Variants in RNFT2 observed in about 807,000 individuals in gnomAD.
RNFT2 encodes the protein E3 ubiquitin-protein ligase RNFT2.
Under a neutral mutation model 53.0 loss-of-function variants are expected in RNFT2, and 36 were observed. The observed-to-expected ratio is 0.68, with a 90% CI of 0.52 to 0.90. The LOEUF (loss-of-function observed/expected upper bound fraction) is 0.90. RNFT2 is among the 40% of genes least tolerant of loss of function. The probability of loss-of-function intolerance (pLI) is 0.00; values close to 1 mark genes in which losing one functional copy is unlikely to be tolerated. For missense variants in RNFT2, 514 were observed against 585.6 expected, an observed-to-expected ratio of 0.88 and a Z score of 1.26; for synonymous variants, 260 against 253.2, an observed-to-expected ratio of 1.03 and a Z score of -0.26.
At chr12:116,742,873 A>T (rs1871677649) in intron 3 of RNFT2, among the ~76,000 whole-genome samples, 1 of 152,022 alleles carries the variant, frequency 6.6e-6, no homozygotes, top group Non-Finnish European at 1.5e-5. Flanking sequence ...GCTTGAGCCC[A>T]GAAGTTTGAG....
chr12:116,767,150 G>A (rs576939228), intron 6 of RNFT2, among the ~76,000 whole-genome samples: 35 of 152,292 alleles, frequency 2.3e-4, no homozygotes, highest in African/African-American at 8.4e-4. Context: ...ACAGAAACAG[G>A]TGGAATCAAT....
chr12:116,826,502 A>T (rs1452837550), intron 7 of RNFT2, among the ~76,000 whole-genome samples: 1 of 152,194 alleles, frequency 6.6e-6, no homozygotes, highest in Non-Finnish European at 1.5e-5. Flanking sequence ...GAAACCTGGA[A>T]TTATAAAACT....
intron 8 of RNFT2, among the ~76,000 whole-genome samples, chr12:116,834,313 T>C (rs929760925): frequency 1.3e-5 from 2 of 152,080 alleles, no homozygotes; most frequent in Non-Finnish European, 2.9e-5. Flanking sequence ...GAGACAGGGT[T>C]TCACCATGTT....
chr12:116,819,331 C>CG (rs1875861562), intron 7 of RNFT2, among the ~76,000 whole-genome samples: 1 of 152,186 alleles, frequency 6.6e-6, no homozygotes, highest in African/African-American at 2.4e-5. Flanking sequence ...GCCTCAGGCT[C>CG]GGGGGCCTGG....
chr12:116,761,527 C>T (rs1405561562), intron 5 of RNFT2, among the ~76,000 whole-genome samples: 1 of 152,226 alleles, frequency 6.6e-6, no homozygotes, highest in East Asian at 1.9e-4. Flanking sequence ...GCTTCACCAC[C>T]ATCCTCCTGC....
At chr12:116,806,617 CG>C (rs1875093553) in intron 7 of RNFT2, among the ~76,000 whole-genome samples, 1 of 151,482 alleles carries the variant, frequency 6.6e-6, no homozygotes, top group Non-Finnish European at 1.5e-5. Flanking sequence ...CTGAGCACGG[CG>C]GTGCACACCT....
At chr12:116,814,442 C>G (rs888120166) in intron 7 of RNFT2, among the ~76,000 whole-genome samples, 2 of 152,110 alleles carry the variant, frequency 1.3e-5, no homozygotes, top group East Asian at 3.9e-4. Context: ...AGGTAACATT[C>G]ATGCAAAGCC....
intron 7 of RNFT2, among the ~76,000 whole-genome samples, chr12:116,791,660 A>G (rs1186327724): frequency 6.6e-6 from 1 of 152,156 alleles, no homozygotes; most frequent in African/African-American, 2.4e-5. Flanking sequence ...ATAGACTACA[A>G]TTTGTTTAGC....
At chr12:116,748,591 G>A (rs1872023228) in intron 3 of RNFT2, 1 of 423,594 alleles carries the variant, frequency 2.4e-6, no homozygotes, top group African/African-American at 2.1e-5. Flanking sequence ...AACAGGTGGA[G>A]CTGGAGTTTG....
intron 6 of RNFT2, among the ~76,000 whole-genome samples, chr12:116,775,601 T>G (rs1873399233): frequency 6.6e-6 from 1 of 152,234 alleles, no homozygotes; most frequent in African/African-American, 2.4e-5. Context: ...GTTTCCTGAT[T>G]TGCAAAATTG....
At chr12:116,841,806 A>T (rs866613458) in intron 10 of RNFT2, among the ~76,000 whole-genome samples, 1 of 88,126 alleles carries the variant, frequency 1.1e-5, no homozygotes, top group Non-Finnish European at 2.0e-5. Flanking sequence ...TATATATATA[A>T]ATATATATAT....
intron 6 of RNFT2, among the ~76,000 whole-genome samples, chr12:116,775,272 AAAAAAAAGAG>A (rs1873380103): frequency 1.3e-5 from 2 of 148,244 alleles, no homozygotes; most frequent in Admixed American, 6.7e-5. Flanking sequence ...AAAAAAAAAA[AAAAAAAAGAG>A]AGAGAGAAGA....
In RNFT2 at chr12:116,846,286, T is replaced by C. The variant is rs1877609135; in HGVS notation, c.1201-3028T>C. Among the ~76,000 whole-genome samples the C allele has an allele frequency of 2.0e-5, 3 of 152,160 alleles. No homozygotes were observed. The South Asian group carries it at 6.2e-4, about 32-fold the overall frequency. ...GCCTTCTTTTTTATATTATTGTTAT[T>C]TTTTTAGACAAGGTCTCACTCTGTC... On this transcript the variant is annotated intron_variant, in intron 10 of 10. Transcript: ENST00000257575.
intron 7 of RNFT2, among the ~76,000 whole-genome samples, chr12:116,806,701 T>C (rs1465516524): frequency 1.3e-5 from 2 of 148,402 alleles, no homozygotes; most frequent in African/African-American, 5.0e-5. Context: ...GCCATGGTCA[T>C]GCCACTATAC....
At chr12:116,740,687 A>G in intron 2 of RNFT2, 166 bp downstream of exon 2, 1 of 690,406 alleles carries the variant, frequency 1.4e-6, no homozygotes, top group Non-Finnish European at 2.6e-6. Flanking sequence ...AGTTAGCAGC[A>G]GCATCAACCC....
At chr12:116,781,430 A>G (rs1286313706) in intron 7 of RNFT2, among the ~76,000 whole-genome samples, 1 of 152,074 alleles carries the variant, frequency 6.6e-6, no homozygotes, top group African/African-American at 2.4e-5. Flanking sequence ...AATTGCTACA[A>G]ACTTAGTGGT....
At chr12:116,821,690 TG>T (rs1456820357) in intron 7 of RNFT2, among the ~76,000 whole-genome samples, 1 of 151,812 alleles carries the variant, frequency 6.6e-6, no homozygotes, top group Non-Finnish European at 1.5e-5. Context: ...CAGTCCCTCC[TG>T]CTTATTTTTC....
chr12:116,830,902 C>T (rs915581983), intron 7 of RNFT2, among the ~76,000 whole-genome samples: 19 of 148,642 alleles, frequency 1.3e-4, no homozygotes, highest in East Asian at 1.2e-3. Flanking sequence ...AGCAAGACTC[C>T]GTCTCAAAAA....
intron 10 of RNFT2, among the ~76,000 whole-genome samples, chr12:116,841,882 A>AATATATATAAAAATATATATATAAAT (rs1565876168): frequency 0.01 from 240 of 23,408 alleles, 4 homozygotes; most frequent in Non-Finnish European, 0.019. Context: ...TATATATATA[A>AATATATATAAAAATATATATATAAAT]ATATATATAA....
Sources: gnomAD v4.1 joint callset for allele counts (sites outside exome capture counted in the v4.1 genomes callset) on GRCh38, gnomAD v4.1.1 for gene constraint, MANE v1.5 for transcripts, NCBI Gene and HGNC (gene_info 2026-07-23, HGNC 2026-07-21) for gene names.